Variants in RAP1B observed in about 807,000 individuals in gnomAD.
RAP1B encodes the protein ras-related protein Rap-1b.
RAP1B carries 1 observed loss-of-function variant against 27.5 expected under a neutral mutation model. The observed-to-expected ratio is 0.04, with a 90% CI of 0.01 to 0.17. The LOEUF is 0.17. RAP1B is among the 10% of genes least tolerant of loss of function. RAP1B has a pLI of 1.00. For missense variants in RAP1B, 84 were observed against 214.8 expected, an observed-to-expected ratio of 0.39 and a Z score of 3.81; for synonymous variants, 75 against 73.1, an observed-to-expected ratio of 1.03 and a Z score of -0.13.
chr12:68,646,237 G>A (rs1245381771), intron 1 of RAP1B, among the ~76,000 whole-genome samples: 1 of 151,262 alleles, frequency 6.6e-6, no homozygotes, highest in Non-Finnish European at 1.5e-5. Flanking sequence ...GGTCAGTTGT[G>A]TTATGTTTGG....
chr12:68,648,847 T>G, intron 2 of RAP1B, 66 bp downstream of exon 2: 1 of 1,386,308 alleles, frequency 7.2e-7, no homozygotes, highest in Non-Finnish European at 9.9e-7. Flanking sequence ...GAGTTTTAGG[T>G]TTTGATGATT....
chr12:68,627,293 T>C (rs1253756108), intron 1 of RAP1B: 2 of 843,136 alleles, frequency 2.4e-6, no homozygotes, highest in Non-Finnish European at 4.0e-6. Context: ...CTGCATACAC[T>C]ACCAAGGAAG....
Position 68,668,177 on chromosome 12 carries a change from AAGGG to A in RAP1B, c.*8931_*8934del, listed in dbSNP as rs945297959. The stretch of plus-strand genomic sequence containing the variant: ...AGGCCCCCCGTCAAGGCTTTTGTTC[AAGGG>A]AGAGTAAAGAGGATAGGTCTCAGTA... On this transcript the variant is annotated 3_prime_UTR_variant, in exon 8 of 8. Coordinates refer to ENST00000250559, the MANE Select transcript of RAP1B (RefSeq NM_001010942.3). 1.3e-5 allele frequency: 2 copies of A among 152,212 alleles called. No individual in the cohort carries two copies. The highest frequency in any genetic ancestry group is 4.8e-5 in the African/African-American group (2 of 41,440). 9.4% of individuals were successfully genotyped at this position (152,212 alleles called of 1,614,324 possible).
chr12:68,626,116 TA>T (rs1046445912), intron 1 of RAP1B, among the ~76,000 whole-genome samples: 8 of 152,186 alleles, frequency 5.3e-5, no homozygotes, highest in Admixed American at 3.9e-4. Context: ...AATCATGTTT[TA>T]AAAAAGCTTC....
chr12:68,639,931 C>G (rs1164572899), intron 1 of RAP1B, among the ~76,000 whole-genome samples: 1 of 151,974 alleles, frequency 6.6e-6, no homozygotes, highest in African/African-American at 2.4e-5. Context: ...GCCTCTGCCT[C>G]CTGGGTTCAA....
At chr12:68,612,886 T>A (rs538878860) in intron 1 of RAP1B, among the ~76,000 whole-genome samples, 1 of 152,228 alleles carries the variant, frequency 6.6e-6, no homozygotes, top group Non-Finnish European at 1.5e-5. Context: ...TCACTTGCAT[T>A]TCCTTGTTTG....
At chr12:68,639,988 G>A (rs562530479) in intron 1 of RAP1B, among the ~76,000 whole-genome samples, 1 of 152,028 alleles carries the variant, frequency 6.6e-6, no homozygotes, top group African/African-American at 2.4e-5. Flanking sequence ...TTACAGGCAT[G>A]CACCACCACA....
chr12:68,638,104 T>A (rs534451003), intron 1 of RAP1B, among the ~76,000 whole-genome samples: 1 of 152,328 alleles, frequency 6.6e-6, no homozygotes, highest in East Asian at 1.9e-4. Flanking sequence ...TAATCTGTTG[T>A]TGGCTTTAAT....
rs903666892 is a variant in RAP1B, at chr12:68,648,729, G to A, written c.5G>A (p.Arg2His). Residue 2 changes from arginine (R) to histidine (H), a missense_variant, in exon 2 of 8, where the codon CGT becomes CAT. Physicochemically the swap from Arg to His is conservative, Grantham distance 29. Transcript: ENST00000250559. ...AGGTTTTGACAAGCTTGCATCATGC[G>A]TGAGTATAAGCTAGTCGTTCTTGGC... MREYKLVVLGSG... is the reference protein window; with the variant it reads MHEYKLVVLGSG... 5 of 1,609,954 alleles carry A rather than the reference G, an allele frequency of 3.1e-6. No individual in the cohort carries two copies. Among genetic ancestry groups the A allele is most frequent in the South Asian group, 1.1e-5 (1 of 90,572 alleles).
intron 1 of RAP1B, chr12:68,642,766 C>T: frequency 9.4e-7 from 1 of 1,066,636 alleles, no homozygotes; most frequent in Non-Finnish European, 1.5e-6. Flanking sequence ...CGGGAACCTT[C>T]AGGGCATTAA....
chr12:68,632,645 GAC>G (rs1872348981), intron 1 of RAP1B, among the ~76,000 whole-genome samples: 5 of 152,238 alleles, frequency 3.3e-5, no homozygotes, highest in Middle Eastern at 3.4e-3. Flanking sequence ...ATGGTTAGTA[GAC>G]ACAGTTTTTT....
chr12:68,648,395 A>G (rs1224475233), intron 1 of RAP1B, among the ~76,000 whole-genome samples: 5 of 152,262 alleles, frequency 3.3e-5, no homozygotes, highest in African/African-American at 7.2e-5. Context: ...ACCACAGACA[A>G]TACACAAATG....
chr12:68,627,440 A>C, intron 1 of RAP1B: 3 of 420,988 alleles, frequency 7.1e-6, no homozygotes, highest in Admixed American at 3.5e-5. Flanking sequence ...TTTACTAATA[A>C]TAGTGTTAGG....
At chr12:68,646,745 G>A (rs1873437442) in intron 1 of RAP1B, among the ~76,000 whole-genome samples, 1 of 152,234 alleles carries the variant, frequency 6.6e-6, no homozygotes, top group South Asian at 2.1e-4. Flanking sequence ...TGGGGTTATT[G>A]TACTTCCATT....
At chr12:68,617,432 A>G (rs1279275233) in intron 1 of RAP1B, among the ~76,000 whole-genome samples, 2 of 152,228 alleles carry the variant, frequency 1.3e-5, no homozygotes, top group Non-Finnish European at 2.9e-5. Flanking sequence ...GATATATAAC[A>G]TATGTTATCT....
At chr12:68,626,592 TTAA>T (rs1224280943) in intron 1 of RAP1B, among the ~76,000 whole-genome samples, 4 of 152,154 alleles carry the variant, frequency 2.6e-5, no homozygotes, top group East Asian at 1.9e-4. Context: ...ATTTAAAGTA[TTAA>T]TAATCTGATT....
chr12:68,655,380 G>A (rs1874129731), intron 5 of RAP1B, among the ~76,000 whole-genome samples: 1 of 152,082 alleles, frequency 6.6e-6, no homozygotes, highest in African/African-American at 2.4e-5. Flanking sequence ...TATTGTGAGA[G>A]CTGGGAGACA....
intron 1 of RAP1B, chr12:68,641,245 T>C (rs1217790899): frequency 6.6e-6 from 1 of 152,210 alleles, no homozygotes; most frequent in African/African-American, 2.4e-5. Context: ...TCCTCCTGAG[T>C]TAAAGCAGTC....
Position 68,648,871 on chromosome 12 carries a change from A to G in RAP1B, c.57+90A>G, listed in dbSNP as rs1464656769. 5 of 1,209,398 alleles carry G rather than the reference A, an allele frequency of 4.1e-6. No individual in the cohort carries two copies. The East Asian group carries it at 9.9e-5, about 24-fold the overall frequency. The allele number at this position is 1,209,398 out of a possible 1,614,324, so 74.9% of individuals were successfully genotyped here. A position where few individuals can be genotyped will look rare whatever the true frequency, so the allele number is the denominator to read the frequency against. On this transcript the variant is annotated intron_variant, in intron 2 of 7. Transcript: ENST00000250559. ...GTTTTGATGATTTGTCTTTGTTAAGATAAAATTCCTTAATGACTTTAGAAG... is the reference window on the plus strand; with the variant it reads ...GTTTTGATGATTTGTCTTTGTTAAGGTAAAATTCCTTAATGACTTTAGAAG...
Sources: gnomAD v4.1 joint callset for allele counts (sites outside exome capture counted in the v4.1 genomes callset) on GRCh38, gnomAD v4.1.1 for gene constraint, MANE v1.5 for transcripts, NCBI Gene and HGNC (gene_info 2026-07-23, HGNC 2026-07-21) for gene names.